Variants in POLR2F observed in about 807,000 individuals in gnomAD.
The protein encoded by POLR2F is RNA polymerase II, I and III subunit F.
In POLR2F, 12 loss-of-function variants were observed where a neutral mutation model predicts 22.7. The ratio of observed to expected loss-of-function variants is 0.53; its 90% CI spans 0.34 to 0.86. POLR2F has a LOEUF of 0.86. POLR2F is among the 40% of genes least tolerant of loss of function. POLR2F has a pLI of 0.02. For synonymous variants in POLR2F, 57 were observed against 66.0 expected, an observed-to-expected ratio of 0.86 and a Z score of 0.66; for missense variants, 126 against 171.5, an observed-to-expected ratio of 0.73 and a Z score of 1.48.
intron 5 of POLR2F, among the ~76,000 whole-genome samples, chr22:38,039,722 A>G (rs1002340133): frequency 4.6e-5 from 7 of 152,228 alleles, no homozygotes; most frequent in Non-Finnish European, 1.0e-4. Context: ...CCAGCCGCGC[A>G]CAGACACCCA....
At chr22:37,985,726 A>G (rs1366051001), upstream of POLR2F, among the ~76,000 whole-genome samples, 1 of 151,622 alleles carries the variant, frequency 6.6e-6, no homozygotes, top group Non-Finnish European at 1.5e-5. Context: ...TGCTTGGGAA[A>G]GTCCAAAGGG....
rs764823401 is a variant in POLR2F, at chr22:37,986,566, C to G, written c.120+254C>G. On this transcript the variant is annotated intron_variant, in intron 1 of 2. Transcript: ENST00000333418. The surrounding 1 kb of genome is among the most constrained non-coding windows in gnomAD (Gnocchi z 4.7). Reference sequence around the variant, plus strand: ...GGGTGGGGGTAGCAGTGGGCACGCTCTGTCTGCAGGAAGCCACGCTAGACA... The same window carrying G: ...GGGTGGGGGTAGCAGTGGGCACGCTGTGTCTGCAGGAAGCCACGCTAGACA... 1.2e-6 allele frequency: 1 copy of G among 828,884 alleles called. No individual in the cohort carries two copies. Among genetic ancestry groups the G allele is most frequent in the South Asian group, 1.4e-5 (1 of 69,208 alleles). The allele number at this position is 828,884 out of a possible 1,614,324, so 51.3% of individuals were successfully genotyped here.
chr22:37,983,233 A>C, upstream of POLR2F: 1 of 1,179,434 alleles, frequency 8.5e-7, no homozygotes, highest in Non-Finnish European at 1.2e-6. The surrounding 1 kb of genome is among the most constrained non-coding windows in gnomAD (Gnocchi z 9.5). Context: ...CTGGTCTTCC[A>C]GCCCTATCCA....
At chr22:38,005,135 C>T (rs141227563) in intron 1 of POLR2F, among the ~76,000 whole-genome samples, 7 of 152,326 alleles carry the variant, frequency 4.6e-5, no homozygotes, top group African/African-American at 1.4e-4. Context: ...GAGAACTCAG[C>T]GAGTAGATAT....
At chr22:37,983,413 G>A (rs760886063), upstream of POLR2F, 4 of 1,610,922 alleles carry the variant, frequency 2.5e-6, no homozygotes, top group African/African-American at 4.0e-5. The surrounding 1 kb of genome is among the most constrained non-coding windows in gnomAD (Gnocchi z 9.5). Context: ...GCGGGTACTG[G>A]TCCGCGAGCT....
Position 37,986,405 on chromosome 22 carries a change from C to T in POLR2F, c.120+93C>T, listed in dbSNP as rs1459318909. ...GCTGTGTCTGTGACTGGCCTGAGAC[C>T]CGCCTGGGGCAGGAGGGGTGGTTGT... On this transcript the variant is annotated intron_variant, in intron 1 of 2. Transcript: ENST00000333418. This position sits in a 1 kb window ranked among gnomAD's most constrained non-coding sequence, Gnocchi z 4.7. The T allele has an allele frequency of 6.5e-6, 10 of 1,531,080 alleles. No individual in the cohort carries two copies. The highest frequency in any genetic ancestry group is 1.4e-5 in the African/African-American group (1 of 72,976). The allele number at this position is 1,531,080 out of a possible 1,614,324, so 94.8% of individuals were successfully genotyped here. A position where few individuals can be genotyped will look rare whatever the true frequency, so the allele number is the denominator to read the frequency against.
intron 1 of POLR2F, among the ~76,000 whole-genome samples, chr22:38,004,927 A>G (rs907669543): frequency 6.6e-6 from 1 of 152,160 alleles, no homozygotes; most frequent in Non-Finnish European, 1.5e-5. Flanking sequence ...CTGGGCAAAA[A>G]GAGTGAAACT....
chr22:37,980,553 G>A lies in POLR2F; in HGVS notation c.293+13383G>A, dbSNP rs906212530. On this transcript the variant is annotated intron_variant, in intron 4 of 4. Transcript: ENST00000405557. This position sits in a 1 kb window ranked among gnomAD's most constrained non-coding sequence, Gnocchi z 4.1. ...AGCTCCCTCCTCCACCAGCTGTGCC[G>A]GACAGCTGATTCCACCTCCACCCCA... Among the ~76,000 whole-genome samples, 7 of 151,886 alleles carry A rather than the reference G, an allele frequency of 4.6e-5. No individual in the cohort carries two copies. The highest frequency in any genetic ancestry group is 1.2e-4 in the African/African-American group (5 of 41,332).
At chr22:37,994,612 G>A (rs531556354) in intron 1 of POLR2F, among the ~76,000 whole-genome samples, 4 of 152,236 alleles carry the variant, frequency 2.6e-5, no homozygotes, top group Middle Eastern at 3.4e-3. Context: ...TCCGCCCCCC[G>A]GGTTCATGCC....
chr22:38,039,798 G>A (rs1036859763), intron 5 of POLR2F, among the ~76,000 whole-genome samples: 1 of 152,220 alleles, frequency 6.6e-6, no homozygotes, highest in African/African-American at 2.4e-5. Flanking sequence ...GGGCCATTGA[G>A]TTCAGCGAGA....
chr22:37,988,573 C>T (rs1472293817), intron 1 of POLR2F, among the ~76,000 whole-genome samples: 1 of 151,866 alleles, frequency 6.6e-6, no homozygotes, highest in East Asian at 1.9e-4. Flanking sequence ...ATCACTTGAA[C>T]TCAAGAGGCA....
chr22:38,036,386 A>G (rs2085116459), intron 5 of POLR2F, among the ~76,000 whole-genome samples: 1 of 151,590 alleles, frequency 6.6e-6, no homozygotes, highest in Admixed American at 6.6e-5. Flanking sequence ...CCCGAAGGAG[A>G]GGCTTCCTTC....
At chr22:37,999,019 T>A (rs2084744673) in intron 1 of POLR2F, among the ~76,000 whole-genome samples, 1 of 151,926 alleles carries the variant, frequency 6.6e-6, no homozygotes, top group African/African-American at 2.4e-5. Flanking sequence ...GAAGACCCCC[T>A]CCTGTCATTC....
At chr22:37,956,427 T>C (rs1163393931) in intron 1 of POLR2F, among the ~76,000 whole-genome samples, 1 of 151,686 alleles carries the variant, frequency 6.6e-6, no homozygotes, top group Non-Finnish European at 1.5e-5. Flanking sequence ...ATTTTTCTTA[T>C]TTATTTTGAG....
At chr22:37,974,158 C>T (rs1201532253), downstream of POLR2F, 13 of 1,608,568 alleles carry the variant, frequency 8.1e-6, no homozygotes, top group Non-Finnish European at 1.1e-5. This position sits in a 1 kb window ranked among gnomAD's most constrained non-coding sequence, Gnocchi z 5.4. Flanking sequence ...GCAGCTCTGT[C>T]TTCGGGGTGG....
At chr22:38,037,439 AT>A (rs10624395) in intron 5 of POLR2F, among the ~76,000 whole-genome samples, 79 of 124,162 alleles carry the variant, frequency 6.4e-4, no homozygotes, top group Middle Eastern at 4.4e-3. Flanking sequence ...ATGCTCGGCT[AT>A]TTTTTTTTTT....
At chr22:38,014,199 C>G (rs1383823351) in intron 1 of POLR2F, among the ~76,000 whole-genome samples, 1 of 151,250 alleles carries the variant, frequency 6.6e-6, no homozygotes, top group Admixed American at 6.6e-5. Context: ...TTGCTAAACT[C>G]ATGTATAATA....
At chr22:38,023,345 G>C (rs1161687512) in intron 1 of POLR2F, among the ~76,000 whole-genome samples, 1 of 152,164 alleles carries the variant, frequency 6.6e-6, no homozygotes, top group Non-Finnish European at 1.5e-5. Context: ...CTTGTCTTCT[G>C]TTATCAACAG....
In POLR2F at chr22:37,967,917, G is replaced by A; in HGVS notation, c.*202G>A. 2 of 1,295,264 alleles carry A rather than the reference G, an allele frequency of 1.5e-6. No individual in the cohort carries two copies. The highest frequency in any genetic ancestry group is 3.8e-5 in the Admixed American group (1 of 26,122). 80.2% of individuals were successfully genotyped at this position (1,295,264 alleles called of 1,614,324 possible). On this transcript the variant is annotated 3_prime_UTR_variant, in exon 5 of 5. Coordinates refer to ENST00000442738, the MANE Select transcript of POLR2F (RefSeq NM_021974.5). The stretch of plus-strand genomic sequence containing the variant: ...CCTGTGACTGTCAGCTCCTTAAGAA[G>A]CACCAGGGGCCCTTAGCCCCTTTGG...
Sources: gnomAD v4.1 joint callset for allele counts (sites outside exome capture counted in the v4.1 genomes callset) on GRCh38, gnomAD v4.1.1 for gene constraint, Gnocchi (gnomAD v3.1) non-coding constraint, MANE v1.5 for transcripts, NCBI Gene and HGNC (gene_info 2026-07-23, HGNC 2026-07-21) for gene names.